SV2B: variants seen among roughly 807,000 people sequenced by gnomAD.
SV2B encodes the protein solute carrier family 22 member B2.
Under a neutral mutation model 73.9 loss-of-function variants are expected in SV2B, and 41 were observed. The ratio of observed to expected loss-of-function variants is 0.56; its 90% CI spans 0.43 to 0.72. The LOEUF (loss-of-function observed/expected upper bound fraction) is 0.72. Ranked by LOEUF, SV2B falls within the 30% of genes least tolerant of loss-of-function variation. The pLI, the probability that SV2B is intolerant of heterozygous loss-of-function variation, is 0.00. For synonymous variants in SV2B, 314 were observed against 314.2 expected, an observed-to-expected ratio of 1.00 and a Z score of 0.01; for missense variants, 764 against 857.8, an observed-to-expected ratio of 0.89 and a Z score of 1.37.
At chr15:91,183,785 A>G (rs948304759) in intron 1 of SV2B, among the ~76,000 whole-genome samples, 1 of 152,238 alleles carries the variant, frequency 6.6e-6, no homozygotes, top group Non-Finnish European at 1.5e-5. Context: ...CCAGATCCAC[A>G]TTCACTTGTG....
rs2046788145 is a variant in SV2B at position 91,236,518 on chromosome 15, G to A, written c.451+9804G>A. The stretch of plus-strand genomic sequence containing the variant: ...AGGTGGAAGTTGCAGAGTTGGGAGT[G>A]GGCTGGAAATATATAAAACTCATTC... On this transcript the variant is annotated intron_variant, in intron 2 of 12. Coordinates refer to ENST00000394232, the MANE Select transcript of SV2B (RefSeq NM_001323032.3). The surrounding 1 kb of genome is among the most constrained non-coding windows in gnomAD (Gnocchi z 4.1). Among the ~76,000 whole-genome samples the A allele has an allele frequency of 6.6e-6, 1 of 152,132 alleles. No homozygotes were observed. The highest frequency in any genetic ancestry group is 2.4e-5 in the African/African-American group (1 of 41,430).
At chr15:91,101,224 A>G (rs2041713819) in intron 1 of SV2B, among the ~76,000 whole-genome samples, 3 of 151,992 alleles carry the variant, frequency 2.0e-5, no homozygotes, top group South Asian at 2.1e-4. Context: ...TTTGGGGCTC[A>G]GAGAGTGGCA....
intron 1 of SV2B, among the ~76,000 whole-genome samples, chr15:91,114,869 C>T (rs1370351676): frequency 6.6e-6 from 1 of 152,172 alleles, no homozygotes; most frequent in Non-Finnish European, 1.5e-5. Flanking sequence ...CAGCCTGCTC[C>T]CTTGCTAATC....
chr15:91,162,252 T>G (rs923591950), intron 1 of SV2B, among the ~76,000 whole-genome samples: 5 of 152,158 alleles, frequency 3.3e-5, no homozygotes, highest in Non-Finnish European at 7.3e-5. Flanking sequence ...TAATCTTTCT[T>G]CCAGAAAATA....
At chr15:91,184,493 C>T (rs936852107) in intron 1 of SV2B, among the ~76,000 whole-genome samples, 15 of 152,100 alleles carry the variant, frequency 9.9e-5, no homozygotes, top group Admixed American at 3.3e-4. Context: ...TTGGTTAATG[C>T]GCTCTAAAAT....
chr15:91,180,332 T>C (rs1187077146), intron 1 of SV2B, among the ~76,000 whole-genome samples: 4 of 152,134 alleles, frequency 2.6e-5, no homozygotes, highest in Non-Finnish European at 5.9e-5. Flanking sequence ...TAACATTTTT[T>C]CCTTCATTTC....
rs1189760593 is a variant in SV2B, at chr15:91,289,334, C to T, written c.1709-187C>T. Among the ~76,000 whole-genome samples, 1 of 152,162 alleles carries T rather than the reference C, an allele frequency of 6.6e-6. No homozygotes were observed. Among genetic ancestry groups the T allele is most frequent in the Non-Finnish European group, 1.5e-5 (1 of 68,026 alleles). ...TGACCCACGCAGAGGGCTCTAATGCCATGTCTGGGGTGCCTTGTGAGGATT... is the reference window on the plus strand; with the variant it reads ...TGACCCACGCAGAGGGCTCTAATGCTATGTCTGGGGTGCCTTGTGAGGATT... On this transcript the variant is annotated intron_variant, in intron 11 of 12. Coordinates refer to ENST00000394232, the MANE Select transcript of SV2B (RefSeq NM_001323032.3). This position sits in a 1 kb window ranked among gnomAD's most constrained non-coding sequence, Gnocchi z 4.9.
chr15:91,155,222 G>C (rs2043447216), intron 1 of SV2B, among the ~76,000 whole-genome samples: 1 of 152,154 alleles, frequency 6.6e-6, no homozygotes, highest in African/African-American at 2.4e-5. Flanking sequence ...GTTAAGGTAG[G>C]AGGAGTAACC....
chr15:91,202,497 T>C (rs1034921823), intron 1 of SV2B, among the ~76,000 whole-genome samples: 4 of 152,262 alleles, frequency 2.6e-5, no homozygotes, highest in Non-Finnish European at 5.9e-5. Context: ...GGAAAAATGA[T>C]TGATCTCTGT....
chr15:91,261,272 G>A lies in SV2B; in HGVS notation c.1008+863G>A, dbSNP rs1017321758. On this transcript the variant is annotated intron_variant, in intron 6 of 12. Coordinates refer to ENST00000394232, the MANE Select transcript of SV2B (RefSeq NM_001323032.3). The surrounding 1 kb of genome is among the most constrained non-coding windows in gnomAD (Gnocchi z 4.7). ...AGCAGGACTGTGTCTGAAAAAAAAAGATAACAGAAATAAACAGATTTCTCT... is the reference window on the plus strand; with the variant it reads ...AGCAGGACTGTGTCTGAAAAAAAAAAATAACAGAAATAAACAGATTTCTCT... 2.8e-5 allele frequency among the ~76,000 whole-genome samples: 4 copies of A among 142,580 alleles called. No individual in the cohort carries two copies. The highest frequency in any genetic ancestry group is 1.1e-4 in the African/African-American group (4 of 36,358). 93.5% of individuals were successfully genotyped at this position (142,580 alleles called of 152,430 possible). A position where few individuals can be genotyped will look rare whatever the true frequency, so the allele number is the denominator to read the frequency against.
At chr15:91,173,497 C>T (rs747160680) in intron 1 of SV2B, among the ~76,000 whole-genome samples, 19 of 152,174 alleles carry the variant, frequency 1.2e-4, no homozygotes, top group Admixed American at 5.2e-4. Flanking sequence ...AAGGCTCTGT[C>T]ATAGATTGTA....
chr15:91,188,680 T>C (rs570557358), intron 1 of SV2B, among the ~76,000 whole-genome samples: 1 of 152,248 alleles, frequency 6.6e-6, no homozygotes, highest in South Asian at 2.1e-4. Context: ...GGGCCCGCTT[T>C]TTTTGAAAAA....
intron 1 of SV2B, among the ~76,000 whole-genome samples, chr15:91,215,203 C>A (rs545585395): frequency 6.6e-6 from 1 of 152,350 alleles, no homozygotes; most frequent in Admixed American, 6.5e-5. Flanking sequence ...AGCTAATTAA[C>A]TCTCTGAAGG....
chr15:91,104,441 C>G (rs548335915), intron 1 of SV2B, among the ~76,000 whole-genome samples: 2 of 152,294 alleles, frequency 1.3e-5, no homozygotes, highest in East Asian at 3.9e-4. Flanking sequence ...ACTGGCACTC[C>G]GTCACTTTAT....
intron 10 of SV2B, among the ~76,000 whole-genome samples, chr15:91,282,689 A>G (rs2048721431): frequency 6.6e-6 from 1 of 152,248 alleles, no homozygotes; most frequent in Admixed American, 6.5e-5. Context: ...ATCTTTCCAC[A>G]GAACTACTTG....
chr15:91,117,700 A>C (rs2042219936), intron 1 of SV2B, among the ~76,000 whole-genome samples: 1 of 152,250 alleles, frequency 6.6e-6, no homozygotes, highest in Non-Finnish European at 1.5e-5. Flanking sequence ...TCATTGGCCA[A>C]GGCAAATGAC....
At chr15:91,170,669 C>T (rs555315929) in intron 1 of SV2B, among the ~76,000 whole-genome samples, 2 of 152,180 alleles carry the variant, frequency 1.3e-5, no homozygotes, top group South Asian at 4.1e-4. Flanking sequence ...ACTGTCCCTG[C>T]CCTGAGGTCA....
At position 91,174,241 on chromosome 15, in the gene SV2B, A is replaced by T. The variant is rs75588647; in HGVS notation, c.-391-51632A>T. Among the ~76,000 whole-genome samples, 1,244 of 152,364 alleles carry T rather than the reference A, an allele frequency of 8.2e-3. 16 individuals carry two copies. The highest frequency in any genetic ancestry group is 0.028 in the African/African-American group (1,181 of 41,584). ...TCTGGTTAAGAAAGTTTGACTTGAC[A>T]AAAAGAGAAACCTGGCTTTGATTCT... On this transcript the variant is annotated intron_variant, in intron 1 of 12. Coordinates refer to ENST00000394232, the MANE Select transcript of SV2B (RefSeq NM_001323032.3).
At chr15:91,233,191 T>C (rs1187814921) in intron 2 of SV2B, among the ~76,000 whole-genome samples, 2 of 152,228 alleles carry the variant, frequency 1.3e-5, no homozygotes, top group East Asian at 3.8e-4. Flanking sequence ...ATAGTCCATG[T>C]TGTGACGTGG....
Sources: gnomAD v4.1 joint callset for allele counts (sites outside exome capture counted in the v4.1 genomes callset) on GRCh38, gnomAD v4.1.1 for gene constraint, Gnocchi (gnomAD v3.1) non-coding constraint, MANE v1.5 for transcripts, NCBI Gene and HGNC (gene_info 2026-07-23, HGNC 2026-07-21) for gene names.